Variants in SEMA6C observed in about 807,000 individuals in gnomAD.
The protein encoded by SEMA6C is semaphorin-6C.
Under a neutral mutation model 72.9 loss-of-function variants are expected in SEMA6C, and 37 were observed. The ratio of observed to expected loss-of-function variants is 0.51; its 90% CI spans 0.39 to 0.67. The LOEUF (loss-of-function observed/expected upper bound fraction) is 0.67. SEMA6C is among the 30% of genes least tolerant of loss of function. The pLI is 0.00. For synonymous variants in SEMA6C, 578 were observed against 554.1 expected (o/e 1.04, Z -0.61); for missense variants, 1,189 against 1,263.6 (o/e 0.94, Z 0.89).
At position 151,133,005 on chromosome 1, in the gene SEMA6C, G is replaced by C; in HGVS notation, c.2272C>G (p.Pro758Ala). ...VLVRPPPPGC[P>A]GQAVEVTTLE... ...GTGGTGACTTCCACGGCCTGCCCGGGACAGCCGGGCGGCGGTGGCCTCACC... is the reference window on the plus strand; with the variant it reads ...GTGGTGACTTCCACGGCCTGCCCGGCACAGCCGGGCGGCGGTGGCCTCACC... Residue 758 changes from proline to alanine, a missense_variant, in exon 19 of 19, where the codon CCC becomes GCC. This residue lies in a region of SEMA6C where 721 missense variants were observed against 686.2 expected (regional missense o/e 1.05). Coordinates refer to ENST00000368914, the MANE Select transcript of SEMA6C (RefSeq NM_030913.6). The surrounding 1 kb of genome is among the most constrained non-coding windows in gnomAD (Gnocchi z 5.9). The C allele has an allele frequency of 7.1e-7, 1 of 1,409,334 alleles. No homozygotes were observed. Among genetic ancestry groups the C allele is most frequent in the Non-Finnish European group, 9.3e-7 (1 of 1,078,888 alleles). 87.3% of individuals were successfully genotyped at this position (1,409,334 alleles called of 1,614,324 possible). A position where few individuals can be genotyped will look rare whatever the true frequency, so the allele number is the denominator to read the frequency against.
At chr1:151,134,718 C>T (rs587690700) in intron 16 of SEMA6C, 43 bp from the exon 17 acceptor site, 9 of 1,612,386 alleles carry the variant, frequency 5.6e-6, no homozygotes, top group Non-Finnish European at 6.8e-6. Flanking sequence ...GTACGTTGTC[C>T]GTATCTCCCA....
Position 151,136,985 on chromosome 1 carries a change from C to T in SEMA6C, c.846G>A (p.Lys282=). ...ALDRHWTSFL[K]LRLNCSVPGD... is the part of the protein sequence containing the mutation. ...CAGGGACAGAGCAGTTGAGCCGAAG[C>T]TTCAGGAAGGATGTCCAGTGGCGGT... The change falls in exon 11 of 19, where the codon AAG becomes AAA. Residue 282 remains lysine, a synonymous_variant. Transcript: ENST00000368914. The T allele has an allele frequency of 6.2e-7, 1 of 1,614,166 alleles. No homozygotes were observed. Among genetic ancestry groups the T allele is most frequent in the Non-Finnish European group, 8.5e-7 (1 of 1,180,038 alleles).
chr1:151,139,113 AAAAG>A (rs1441919609), intron 6 of SEMA6C, among the ~76,000 whole-genome samples: 1 of 150,802 alleles, frequency 6.6e-6, no homozygotes, highest in Admixed American at 6.6e-5. Flanking sequence ...AAAAAAAAAG[AAAAG>A]AAAAGAAAGA....
intron 10 of SEMA6C, 74 bp from the exon 11 acceptor site, chr1:151,137,148 G>C: frequency 2.2e-6 from 3 of 1,388,278 alleles, no homozygotes; most frequent in South Asian, 2.4e-5. Context: ...AGTGTGGTGA[G>C]TTAAGAGCAG....
intron 3 of SEMA6C, 101 bp from the exon 4 acceptor site, chr1:151,140,191 G>T: frequency 1.1e-6 from 1 of 913,650 alleles, no homozygotes; most frequent in Non-Finnish European, 1.8e-6. Flanking sequence ...GGATGTGTGA[G>T]GTTAGAGTGC....
intron 2 of SEMA6C, 140 bp from the exon 3 acceptor site, chr1:151,142,815 A>G (rs1336825023): frequency 1.9e-6 from 1 of 524,036 alleles, no homozygotes; most frequent in Non-Finnish European, 3.3e-6. Context: ...GCACTGCCCC[A>G]GTTCCAGCCA....
At chr1:151,135,102 C>T in intron 15 of SEMA6C, 61 bp downstream of exon 15, 1 of 1,592,204 alleles carries the variant, frequency 6.3e-7, no homozygotes, top group Non-Finnish European at 8.5e-7. Flanking sequence ...ACCTGTGTTT[C>T]TGTGCTCTTG....
chr1:151,137,812 A>T lies in SEMA6C; in HGVS notation c.668-13T>A, dbSNP rs201251068. 144 of 1,611,876 alleles carry T rather than the reference A, an allele frequency of 8.9e-5. No individual in the cohort carries two copies. The Middle Eastern group carries it at 2.5e-3, about 28-fold the overall frequency. On this transcript the variant is annotated splice_polypyrimidine_tract_variant and intron_variant, in intron 9 of 18. Coordinates refer to ENST00000368914, the MANE Select transcript of SEMA6C (RefSeq NM_030913.6). ...ACAAAGTGTGGCTCTAAGATGGGGAATGACAGGAAAGGGTATAGAAGAGTA... is the reference window on the plus strand; with the variant it reads ...ACAAAGTGTGGCTCTAAGATGGGGATTGACAGGAAAGGGTATAGAAGAGTA...
Position 151,132,689 on chromosome 1 carries a change from A to G in SEMA6C, c.2588T>C (p.Leu863Pro). The change falls in exon 19 of 19, where the codon CTG becomes CCG. Residue 863 changes from leucine to proline, a missense_variant. Around this residue, in one of 2 missense-constraint regions of SEMA6C, gnomAD observed 721 missense variants for 686.2 expected, o/e 1.05. Coordinates refer to ENST00000368914, the MANE Select transcript of SEMA6C (RefSeq NM_030913.6). Reference sequence around the variant, plus strand: ...ACCTCCCGAGGGGACTCGAGTGAGCAGGGCAGGGGGGGCCCGGTGGCCGGA... The same window carrying G: ...ACCTCCCGAGGGGACTCGAGTGAGCGGGGCAGGGGGGGCCCGGTGGCCGGA... ...PFSGHRAPPA[L>P]LTRVPSGGPS... 1 of 1,514,166 alleles carries G rather than the reference A, an allele frequency of 6.6e-7. No individual in the cohort carries two copies. Among genetic ancestry groups the G allele is most frequent in the Non-Finnish European group, 8.8e-7 (1 of 1,130,078 alleles). The allele number at this position is 1,514,166 out of a possible 1,614,324, so 93.8% of individuals were successfully genotyped here. A position where few individuals can be genotyped will look rare whatever the true frequency, so the allele number is the denominator to read the frequency against.
Position 151,132,141 on chromosome 1 carries a change from C to A in SEMA6C, c.*343G>T, listed in dbSNP as rs900007123. The A allele has an allele frequency of 3.9e-6, 5 of 1,288,242 alleles. No homozygotes were observed. The South Asian group carries it at 4.1e-5, about 10-fold the overall frequency. 79.8% of individuals were successfully genotyped at this position (1,288,242 alleles called of 1,614,324 possible). A position where few individuals can be genotyped will look rare whatever the true frequency, so the allele number is the denominator to read the frequency against. ...ACCCAGAAGGCCCGAGGACTCTGGA[C>A]ACAGCGCGCGCGGCCCGCCCGGGGC... On this transcript the variant is annotated 3_prime_UTR_variant, in exon 19 of 19. Transcript: ENST00000368914.
At chr1:151,137,858 C>T in intron 9 of SEMA6C, 59 bp from the exon 10 acceptor site, 1 of 1,584,946 alleles carries the variant, frequency 6.3e-7, no homozygotes, top group Non-Finnish European at 8.6e-7. Flanking sequence ...CTCAGAAGCT[C>T]CTGGCCCCAC....
Position 151,145,194 on chromosome 1 carries a change from C to T in SEMA6C, c.-104-760G>A, listed in dbSNP as rs772010369. The stretch of plus-strand genomic sequence containing the variant: ...CGACTCTCCCCTTTCCAGATCCTCC[C>T]GTTGCTGGGAAGAGGAAACAGCCCT... On this transcript the variant is annotated intron_variant, in intron 1 of 18. Coordinates refer to ENST00000368914, the MANE Select transcript of SEMA6C (RefSeq NM_030913.6). The surrounding 1 kb of genome is among the most constrained non-coding windows in gnomAD (Gnocchi z 4.4). The T allele has an allele frequency of 2.0e-5, 3 of 152,302 alleles. No individual in the cohort carries two copies. The highest frequency in any genetic ancestry group is 3.8e-4 in the East Asian group (2 of 5,198). The allele number at this position is 152,302 out of a possible 1,614,324, so 9.4% of individuals were successfully genotyped here.
At position 151,132,898 on chromosome 1, in the gene SEMA6C, C is replaced by T; in HGVS notation, c.2379G>A (p.Arg793=). The T allele has an allele frequency of 7.5e-7, 1 of 1,337,276 alleles. No individual in the cohort carries two copies. Among genetic ancestry groups the T allele is most frequent in the Non-Finnish European group, 9.6e-7 (1 of 1,045,706 alleles). 82.8% of individuals were successfully genotyped at this position (1,337,276 alleles called of 1,614,324 possible). A position where few individuals can be genotyped will look rare whatever the true frequency, so the allele number is the denominator to read the frequency against. Residue 793 remains arginine, a synonymous_variant, in exon 19 of 19, where the codon CGG becomes CGA. Coordinates refer to ENST00000368914, the MANE Select transcript of SEMA6C (RefSeq NM_030913.6). ...GAEPPAPLTS[R]ALPPEPAPAL... ...CGGGGGCGGGCTCCGGCGGGAGCGC[C>T]CGCGAGGTTAAAGGGGCGGGGGGCT...
At chr1:151,144,008 T>C (rs116575120) in intron 2 of SEMA6C, among the ~76,000 whole-genome samples, 3,451 of 151,218 alleles carry the variant, frequency 0.023, 137 homozygotes, top group African/African-American at 0.08. Flanking sequence ...GAGGCTGACG[T>C]CAGGTGGGGC....
At position 151,137,009 on chromosome 1, in the gene SEMA6C, G is replaced by A. The variant is rs1682073559; in HGVS notation, c.822C>T (p.Asp274=). 1.2e-6 allele frequency: 2 copies of A among 1,614,020 alleles called. No individual in the cohort carries two copies. Among genetic ancestry groups the A allele is most frequent in the Non-Finnish European group, 1.7e-6 (2 of 1,180,042 alleles). The change falls in exon 11 of 19, where the codon GAC becomes GAT. Residue 274 remains aspartate, a synonymous_variant. Coordinates refer to ENST00000368914, the MANE Select transcript of SEMA6C (RefSeq NM_030913.6). ...RDMGGSPRAL[D]RHWTSFLKLR... is the part of the protein sequence containing the mutation. ...GCTTCAGGAAGGATGTCCAGTGGCG[G>A]TCCAAGGCCCGAGGCGAGCCGCCCA...
At chr1:151,137,153 G>C in intron 10 of SEMA6C, 79 bp from the exon 11 acceptor site, 1 of 1,349,178 alleles carries the variant, frequency 7.4e-7, no homozygotes, top group South Asian at 1.2e-5. Flanking sequence ...GGTGAGTTAA[G>C]AGCAGTAAGG....
chr1:151,139,816 TC>T, intron 4 of SEMA6C, 115 bp from the exon 5 acceptor site: 1 of 1,267,140 alleles, frequency 7.9e-7, no homozygotes, highest in Non-Finnish European at 1.1e-6. Context: ...TCCCCCTTCC[TC>T]CATGCCTTGG....
At position 151,133,151 on chromosome 1, in the gene SEMA6C, A is replaced by G. The variant is rs759281048; in HGVS notation, c.2126T>C (p.Val709Ala). 14 of 1,552,398 alleles carry G rather than the reference A, an allele frequency of 9.0e-6. No individual in the cohort carries two copies. The Admixed American group carries it at 2.7e-4, about 30-fold the overall frequency. The stretch of plus-strand genomic sequence containing the variant: ...GTCCCCGGCGGCGCGGAGGTGCTTG[A>G]CCGGCAGCTCCGGCGTGGACTCGGG... ...PTPESTPELP[V>A]KHLRAAGDPW... is the part of the protein sequence containing the mutation. The change falls in exon 19 of 19, where the codon GTC becomes GCC. Residue 709 changes from valine (V) to alanine (A), a missense_variant. This residue lies in a region of SEMA6C where 721 missense variants were observed against 686.2 expected (regional missense o/e 1.05). Transcript: ENST00000368914. This position sits in a 1 kb window ranked among gnomAD's most constrained non-coding sequence, Gnocchi z 5.9.
In SEMA6C at chr1:151,132,177, G is replaced by C. The variant is rs768793583; in HGVS notation, c.*307C>G. 6 of 1,428,894 alleles carry C rather than the reference G, an allele frequency of 4.2e-6. No individual in the cohort carries two copies. Among genetic ancestry groups the C allele is most frequent in the East Asian group, 6.3e-5 (2 of 31,830 alleles). The allele number at this position is 1,428,894 out of a possible 1,614,324, so 88.5% of individuals were successfully genotyped here. A position where few individuals can be genotyped will look rare whatever the true frequency, so the allele number is the denominator to read the frequency against. ...CGGCCCGCCCGGGGCACAGTCTCTG[G>C]GGGAGCCCCGAGGGGCGAGTTAAGG... On this transcript the variant is annotated 3_prime_UTR_variant, in exon 19 of 19. Transcript: ENST00000368914.
Sources: gnomAD v4.1 joint callset for allele counts (sites outside exome capture counted in the v4.1 genomes callset) on GRCh38, gnomAD v4.1.1 for gene constraint, gnomAD v4.1.1 regional missense constraint, Gnocchi (gnomAD v3.1) non-coding constraint, MANE v1.5 for transcripts, NCBI Gene and HGNC (gene_info 2026-07-23, HGNC 2026-07-21) for gene names.